SPTBN4: variants seen among roughly 807,000 people sequenced by gnomAD.
SPTBN4 encodes spectrin beta, non-erythrocytic 4.
In SPTBN4, 96 loss-of-function variants were observed where a neutral mutation model predicts 277.8. The observed-to-expected ratio is 0.35, with a 90% CI of 0.29 to 0.41. SPTBN4 has a LOEUF of 0.41. SPTBN4 is among the 10% of genes least tolerant of loss of function. The pLI, the probability that SPTBN4 is intolerant of heterozygous loss-of-function variation, is 1.00. For synonymous variants in SPTBN4, 1,481 were observed against 1,580.3 expected, an observed-to-expected ratio of 0.94 and a Z score of 1.49; for missense variants, 3,006 against 3,595.7, an observed-to-expected ratio of 0.84 and a Z score of 4.19.
At chr19:40,486,826 TCA>T (rs2080077472) in intron 2 of SPTBN4, among the ~76,000 whole-genome samples, 1 of 152,148 alleles carries the variant, frequency 6.6e-6, no homozygotes, top group African/African-American at 2.4e-5. Flanking sequence ...CCTGCTGTAT[TCA>T]CAGAGCCTTG....
rs567442426 is a variant in SPTBN4, at chr19:40,512,982, C to G, written c.2193C>G (p.Ala731=). Residue 731 remains alanine (A), a synonymous_variant, in exon 14 of 36, where the codon GCC becomes GCG. Transcript: ENST00000598249. ...AGGAGCTGGTTGCGGCCGGCGGTGC[C>G]GTCGGCCCGGGAGCAGACACCGTGC... ...CGEELVAAGG[A]VGPGADTVHL... 1 of 1,413,256 alleles carries G rather than the reference C, an allele frequency of 7.1e-7. No homozygotes were observed. The highest frequency in any genetic ancestry group is 1.5e-5 in the South Asian group (1 of 67,726). The allele number at this position is 1,413,256 out of a possible 1,614,324, so 87.5% of individuals were successfully genotyped here. A position where few individuals can be genotyped will look rare whatever the true frequency, so the allele number is the denominator to read the frequency against.
At chr19:40,472,004 G>A (rs564387522) in intron 1 of SPTBN4, among the ~76,000 whole-genome samples, 6 of 148,366 alleles carry the variant, frequency 4.0e-5, no homozygotes, top group South Asian at 2.2e-4. Flanking sequence ...TCCGCCTCCC[G>A]GGTTCAAGCG....
At chr19:40,493,859 C>G (rs1306195133) in intron 5 of SPTBN4, among the ~76,000 whole-genome samples, 3 of 152,180 alleles carry the variant, frequency 2.0e-5, no homozygotes, top group South Asian at 2.1e-4. Flanking sequence ...TCTCCCCCAT[C>G]CCATTTCATC....
At chr19:40,573,226 C>T (rs1423757740) in intron 35 of SPTBN4, among the ~76,000 whole-genome samples, 1 of 152,050 alleles carries the variant, frequency 6.6e-6, no homozygotes, top group Non-Finnish European at 1.5e-5. Context: ...GTGGAAGGAT[C>T]ACCTGAACCA....
At chr19:40,505,050 G>C (rs1452728292) in intron 12 of SPTBN4, among the ~76,000 whole-genome samples, 1 of 150,980 alleles carries the variant, frequency 6.6e-6, no homozygotes, top group Non-Finnish European at 1.5e-5. Flanking sequence ...TTAAGAGAGA[G>C]AGAGAGAGAC....
At chr19:40,506,950 C>T (rs575094650) in intron 13 of SPTBN4, among the ~76,000 whole-genome samples, 23 of 152,278 alleles carry the variant, frequency 1.5e-4, no homozygotes, top group Admixed American at 9.2e-4. Flanking sequence ...TGCCACTACA[C>T]TCCAGCCTGG....
chr19:40,567,620 CG>C, intron 30 of SPTBN4, 42 bp from the exon 31 acceptor site: 2 of 1,419,468 alleles, frequency 1.4e-6, no homozygotes, highest in Non-Finnish European at 1.8e-6. Flanking sequence ...TACCCCGCCC[CG>C]GCCCCACGCC....
rs552554678 is a variant in SPTBN4, at chr19:40,529,239, G to A, written c.3948+108G>A. 1.2e-4 allele frequency: 131 copies of A among 1,092,598 alleles called. No individual in the cohort carries two copies. The East Asian group carries it at 3.2e-3, about 27-fold the overall frequency. 67.7% of individuals were successfully genotyped at this position (1,092,598 alleles called of 1,614,324 possible). A position where few individuals can be genotyped will look rare whatever the true frequency, so the allele number is the denominator to read the frequency against. ...ACGCCCCGTCTAAGTGGGTCGCGGA[G>A]CGATGCTCGCTCTAAGCCGCCAGGG... On this transcript the variant is annotated intron_variant, in intron 18 of 35. Transcript: ENST00000598249.
intron 2 of SPTBN4, 45 bp from the exon 3 acceptor site, chr19:40,487,652 G>A (rs372070186): frequency 1.9e-6 from 3 of 1,575,894 alleles, no homozygotes; most frequent in African/African-American, 2.7e-5. Context: ...GAGGGCTGGG[G>A]TGAAGGTGGA....
rs976851260 is a variant in SPTBN4 at position 40,532,626 on chromosome 19, T to A, written c.3950T>A (p.Leu1317Gln). 6.2e-7 allele frequency: 1 copy of A among 1,612,702 alleles called. No individual in the cohort carries two copies. The highest frequency in any genetic ancestry group is 1.3e-5 in the African/African-American group (1 of 74,846). ...LQHFLRDCHE[L>Q]DGWIHEKMLM... Reference sequence around the variant, plus strand: ...GCCCTCCTGCCCTGTTCTGCACAGCTGGATGGCTGGATCCATGAGAAGATG... The same window carrying A: ...GCCCTCCTGCCCTGTTCTGCACAGCAGGATGGCTGGATCCATGAGAAGATG... Residue 1317 changes from leucine (L) to glutamine (Q), a missense_variant and splice_region_variant, in exon 19 of 36, where the codon CTG (leucine) becomes CAG (glutamine). This residue lies in a region of SPTBN4 where 1,759 missense variants were observed against 2,061.5 expected (regional missense o/e 0.85). Transcript: ENST00000598249.
intron 24 of SPTBN4, chr19:40,555,220 G>A (rs1192588914): frequency 6.6e-6 from 1 of 152,376 alleles, no homozygotes; most frequent in African/African-American, 2.4e-5. Flanking sequence ...CTGGATAGGA[G>A]GGGCGTGAGA....
chr19:40,477,877 T>C (rs544692407), intron 2 of SPTBN4, among the ~76,000 whole-genome samples: 1 of 152,058 alleles, frequency 6.6e-6, no homozygotes, highest in African/African-American at 2.4e-5. Context: ...TCGCTCTTGT[T>C]GTCCAGGCTG....
At chr19:40,563,442 T>C (rs1599815426) in intron 27 of SPTBN4, among the ~76,000 whole-genome samples, 2 of 152,074 alleles carry the variant, frequency 1.3e-5, no homozygotes, top group Admixed American at 1.3e-4. Flanking sequence ...GAGCCACAAA[T>C]GCGAGCCACA....
Position 40,519,285 on chromosome 19 carries a change from C to T in SPTBN4, c.2904-116C>T. ...CACCGGCAGAAACTGGAGAAACTTT[C>T]TGAGGTCACACAGTGGCTGGGTGGC... On this transcript the variant is annotated intron_variant, in intron 15 of 35. Coordinates refer to ENST00000598249, the MANE Select transcript of SPTBN4 (RefSeq NM_020971.3). The surrounding 1 kb of genome is among the most constrained non-coding windows in gnomAD (Gnocchi z 5.7). 9.2e-7 allele frequency: 1 copy of T among 1,085,334 alleles called. No homozygotes were observed. Among genetic ancestry groups the T allele is most frequent in the Non-Finnish European group, 1.2e-6 (1 of 822,010 alleles). The allele number at this position is 1,085,334 out of a possible 1,614,324, so 67.2% of individuals were successfully genotyped here.
intron 2 of SPTBN4, among the ~76,000 whole-genome samples, chr19:40,474,108 C>A (rs1342246164): frequency 1.5e-5 from 2 of 137,204 alleles, no homozygotes; most frequent in Non-Finnish European, 3.1e-5. Context: ...GTCAAGATCG[C>A]GCCACTGCAC....
chr19:40,516,476 A>G (rs2080461963), intron 15 of SPTBN4, among the ~76,000 whole-genome samples: 1 of 151,974 alleles, frequency 6.6e-6, no homozygotes, highest in African/African-American at 2.4e-5. Flanking sequence ...CTAATTAAAA[A>G]AAATTTTTTT....
chr19:40,512,001 G>T (rs982770166), intron 13 of SPTBN4, among the ~76,000 whole-genome samples: 1 of 152,130 alleles, frequency 6.6e-6, no homozygotes, highest in African/African-American at 2.4e-5. Context: ...GCGGGCGCCT[G>T]TAATCCTAGC....
chr19:40,541,992 G>C (rs1053605435), intron 20 of SPTBN4, among the ~76,000 whole-genome samples: 1 of 152,194 alleles, frequency 6.6e-6, no homozygotes, highest in Non-Finnish European at 1.5e-5. Context: ...CACAGTCTCA[G>C]CTCGCTGCAA....
At chr19:40,504,748 T>G (rs1407069548) in intron 12 of SPTBN4, among the ~76,000 whole-genome samples, 1 of 151,086 alleles carries the variant, frequency 6.6e-6, no homozygotes, top group African/African-American at 2.4e-5. Context: ...TTTGGGAGGC[T>G]GAGGCTCAAG....
Sources: allele counts gnomAD v4.1 joint callset (sites outside exome capture counted in the v4.1 genomes callset), GRCh38; gene constraint gnomAD v4.1.1; regional missense constraint gnomAD v4.1.1; non-coding constraint Gnocchi (gnomAD v3.1); transcripts MANE v1.5; gene names NCBI Gene and HGNC (gene_info 2026-07-23, HGNC 2026-07-21).